KLHL21: variants seen among roughly 807,000 people sequenced by gnomAD.
KLHL21 encodes kelch-like protein 21.
In KLHL21, 42 loss-of-function variants were observed where a neutral mutation model predicts 44.1. The observed-to-expected ratio is 0.95, with a 90% CI of 0.74 to 1.23. The LOEUF is 1.23. KLHL21 is among the 50% of genes most tolerant of loss of function. KLHL21 has a pLI of 0.00. For synonymous variants in KLHL21, 524 were observed against 411.6 expected, an observed-to-expected ratio of 1.27 and a Z score of -3.31; for missense variants, 918 against 889.1, an observed-to-expected ratio of 1.03 and a Z score of -0.41.
chr1:6,602,223 A>G lies in KLHL21; in HGVS notation c.595T>C (p.Tyr199His), dbSNP rs1641035550. 1 of 1,522,044 alleles carries G rather than the reference A, an allele frequency of 6.6e-7. No individual in the cohort carries two copies. The highest frequency in any genetic ancestry group is 1.4e-5 in the African/African-American group (1 of 70,510). 94.3% of individuals were successfully genotyped at this position (1,522,044 alleles called of 1,614,324 possible). A position where few individuals can be genotyped will look rare whatever the true frequency, so the allele number is the denominator to read the frequency against. ...CGGACCCAGCGCAGCGCCAGCTGGT[A>G]GGCGGCCTCCTCCTTGGGCACACAC... ...GLCVPKEEAA[Y>H]QLALRWVRAD... is the part of the protein sequence containing the mutation. The change falls in exon 1 of 4, where the codon TAC becomes CAC. Residue 199 changes from tyrosine to histidine, a missense_variant. Physicochemically the swap from Tyr to His is moderately conservative, Grantham distance 83. Transcript: ENST00000377658.
Position 6,601,893 on chromosome 1 carries a change from G to T in KLHL21, c.925C>A (p.Pro309Thr). The T allele has an allele frequency of 6.4e-7, 1 of 1,568,314 alleles. No homozygotes were observed. Among genetic ancestry groups the T allele is most frequent in the Admixed American group, 1.9e-5 (1 of 53,426 alleles). ...AGGTAGCGCCACTGACCCGTCTGCG[G>T]GTTGTAGCAGTCGACAGTGACCAGC... ...DELVTVDCYNPQTGQWRYLAE... is the reference protein window; with the variant it reads ...DELVTVDCYNTQTGQWRYLAE... Residue 309 changes from proline to threonine, a missense_variant, in exon 1 of 4, where the codon CCG (proline) becomes ACG (threonine). Transcript: ENST00000377658.
At position 6,602,185 on chromosome 1, in the gene KLHL21, CGGCGG is replaced by C; in HGVS notation, c.628_632del (p.Pro210AlafsTer88). ...GCTGCGGCCAGTGCGCGGCGCGGCG[CGGCGG>C]GTCAGCGCGGACCCAGCGCAGCGCC... On this transcript the variant is annotated frameshift_variant, in exon 1 of 4. Coordinates refer to ENST00000377658, the MANE Select transcript of KLHL21 (RefSeq NM_014851.4). LOFTEE classifies it high-confidence loss of function. The C allele has an allele frequency of 6.9e-7, 1 of 1,442,970 alleles. No individual in the cohort carries two copies. Among genetic ancestry groups the C allele is most frequent in the African/African-American group, 1.5e-5 (1 of 66,890 alleles). 89.4% of individuals were successfully genotyped at this position (1,442,970 alleles called of 1,614,324 possible).
Position 6,593,094 on chromosome 1 carries a change from G to A in KLHL21, c.*271C>T, listed in dbSNP as rs1202319980. ...GCGCCGCGTGGGTGAGCTGTGATCC[G>A]CGGGGTGGGGGTGACCTCCAAGACC... On this transcript the variant is annotated 3_prime_UTR_variant, in exon 4 of 4. Coordinates refer to ENST00000377658, the MANE Select transcript of KLHL21 (RefSeq NM_014851.4). 19 of 473,194 alleles carry A rather than the reference G, an allele frequency of 4.0e-5. No individual in the cohort carries two copies. Among genetic ancestry groups the A allele is most frequent in the Admixed American group, 3.4e-5 (1 of 29,144 alleles). 29.3% of individuals were successfully genotyped at this position (473,194 alleles called of 1,614,324 possible).
chr1:6,597,904 T>A (rs35070405), intron 2 of KLHL21, among the ~76,000 whole-genome samples: 1 of 152,066 alleles, frequency 6.6e-6, no homozygotes, highest in Non-Finnish European at 1.5e-5. Context: ...GGCTGCCCCG[T>A]GCCATCATTG....
In KLHL21 at chr1:6,599,471, G is replaced by A. The variant is rs1328523432; in HGVS notation, c.1022-19C>T. The A allele has an allele frequency of 1.3e-6, 2 of 1,585,438 alleles. No individual in the cohort carries two copies. Among genetic ancestry groups the A allele is most frequent in the South Asian group, 1.1e-5 (1 of 88,144 alleles). ...GACCCACCTGCCAGGACGCATGACAGGCAGAAGATCAGCCCACTCAGGTGA... is the reference window on the plus strand; with the variant it reads ...GACCCACCTGCCAGGACGCATGACAAGCAGAAGATCAGCCCACTCAGGTGA... On this transcript the variant is annotated intron_variant, in intron 1 of 3. Transcript: ENST00000377658.
intron 1 of KLHL21, among the ~76,000 whole-genome samples, chr1:6,601,169 C>T (rs1211191944): frequency 1.3e-5 from 2 of 152,206 alleles, no homozygotes; most frequent in Non-Finnish European, 2.9e-5. Flanking sequence ...CAAACTCAGG[C>T]GGACTGGGAC....
intron 1 of KLHL21, 55 bp from the exon 2 acceptor site, chr1:6,599,507 T>A: frequency 6.5e-7 from 1 of 1,532,290 alleles, no homozygotes; most frequent in Non-Finnish European, 8.8e-7. Context: ...GTCACCCACC[T>A]GCACCCTCCC....
At chr1:6,601,680 T>C (rs1445998758) in intron 1 of KLHL21, 117 bp downstream of exon 1, 61 of 1,412,268 alleles carry the variant, frequency 4.3e-5, no homozygotes, top group Non-Finnish European at 5.3e-5. Flanking sequence ...AGCCCCAGCT[T>C]GGACTCAGGT....
At chr1:6,600,711 G>A (rs1477762082) in intron 1 of KLHL21, among the ~76,000 whole-genome samples, 2 of 152,260 alleles carry the variant, frequency 1.3e-5, no homozygotes, top group African/African-American at 4.8e-5. Flanking sequence ...TGGGGCCAGT[G>A]TGGCCAGTTC....
chr1:6,598,845 A>T lies in KLHL21; in HGVS notation c.1427+202T>A, dbSNP rs183901. The stretch of plus-strand genomic sequence containing the variant: ...TTGCAGTGAGCTGAGATTGCGCCAC[A>T]GCACTCCAGCCTGGGCGACAGAGCG... On this transcript the variant is annotated intron_variant, in intron 2 of 3. Transcript: ENST00000377658. Among the ~76,000 whole-genome samples, 27 of 152,314 alleles carry T rather than the reference A, an allele frequency of 1.8e-4. No homozygotes were observed. In the South Asian group the frequency reaches 3.9e-3, roughly 22 times the overall value.
At position 6,602,621 on chromosome 1, in the gene KLHL21, G is replaced by A. The variant is rs574346996; in HGVS notation, c.197C>T (p.Ala66Val). 19 of 1,519,898 alleles carry A rather than the reference G, an allele frequency of 1.3e-5. No homozygotes were observed. The highest frequency in any genetic ancestry group is 1.8e-4 in the Middle Eastern group (1 of 5,676). The allele number at this position is 1,519,898 out of a possible 1,614,324, so 94.2% of individuals were successfully genotyped here. ...AASPYFRAMF[A>V]GQLRESRAER... Reference sequence around the variant, plus strand: ...GGCGCGGCTCTCGCGCAGCTGCCCCGCGAACATGGCGCGGAAGTAGGGGCT... The same window carrying A: ...GGCGCGGCTCTCGCGCAGCTGCCCCACGAACATGGCGCGGAAGTAGGGGCT... Residue 66 changes from alanine to valine, a missense_variant, in exon 1 of 4, where the codon GCG becomes GTG. Ala to Val is a moderately conservative substitution (Grantham distance 64). Transcript: ENST00000377658.
At chr1:6,598,344 T>A (rs960288884) in intron 2 of KLHL21, among the ~76,000 whole-genome samples, 5 of 151,174 alleles carry the variant, frequency 3.3e-5, no homozygotes, top group African/African-American at 1.2e-4. Flanking sequence ...CTGAGGCAGC[T>A]GGATCACATG....
At chr1:6,593,953 T>C (rs927485374) in intron 3 of KLHL21, 3 of 1,200,112 alleles carry the variant, frequency 2.5e-6, no homozygotes, top group African/African-American at 3.1e-5. Flanking sequence ...TCAGAATCTC[T>C]GCAGTGGCCC....
intron 1 of KLHL21, chr1:6,599,730 C>T (rs1297343113): frequency 8.5e-6 from 4 of 471,648 alleles, no homozygotes; most frequent in East Asian, 7.5e-5. Flanking sequence ...CTCTGGACAC[C>T]GCCCCCCAGC....
intron 3 of KLHL21, chr1:6,595,143 T>C: frequency 1.8e-6 from 1 of 543,460 alleles, no homozygotes. Flanking sequence ...CACGCCAGGG[T>C]GCCCTGCTGC....
chr1:6,591,481 TCA>T lies in KLHL21; in HGVS notation c.*1882_*1883del, dbSNP rs536939227. 3.6e-3 allele frequency: 549 copies of T among 154,120 alleles called. 3 individuals carry two copies. Among genetic ancestry groups the T allele is most frequent in the Middle Eastern group, 0.01 (3 of 298 alleles). The allele number at this position is 154,120 out of a possible 1,614,324, so 9.5% of individuals were successfully genotyped here. A position where few individuals can be genotyped will look rare whatever the true frequency, so the allele number is the denominator to read the frequency against. Reference sequence around the variant, plus strand: ...CCGAGATGCCCTGTGCTGGCAGTCATCACAGTCTGGACAGCATGTCCTTCCGT... The same window carrying T: ...CCGAGATGCCCTGTGCTGGCAGTCATCAGTCTGGACAGCATGTCCTTCCGT... On this transcript the variant is annotated 3_prime_UTR_variant, in exon 4 of 4. Transcript: ENST00000377658.
chr1:6,601,959 T>C lies in KLHL21; in HGVS notation c.859A>G (p.Ile287Val). The C allele has an allele frequency of 2.6e-6, 4 of 1,558,738 alleles. No individual in the cohort carries two copies. The highest frequency in any genetic ancestry group is 1.2e-5 in the South Asian group (1 of 84,770). Residue 287 changes from isoleucine to valine, a missense_variant, in exon 1 of 4, where the codon ATC becomes GTC. Physicochemically the swap from Ile to Val is conservative, Grantham distance 29. Coordinates refer to ENST00000377658, the MANE Select transcript of KLHL21 (RefSeq NM_014851.4). ...RPRPSTGLAE[I>V]LVLVGGCDQD... ...TCGCAGCCGCCCACGAGCACGAGGA[T>C]CTCGGCGAGACCGGTGGACGGGCGA...
chr1:6,602,371 G>C lies in KLHL21; in HGVS notation c.447C>G (p.Ser149Arg), dbSNP rs372833088. Residue 149 changes from serine to arginine, a missense_variant, in exon 1 of 4, where the codon AGC (serine) becomes AGG (arginine). Ser to Arg is a moderately radical substitution (Grantham distance 110). Coordinates refer to ENST00000377658, the MANE Select transcript of KLHL21 (RefSeq NM_014851.4). ...GCGCCGCGCTCGCCAGTCCCGAGCAGCTGAAGGCCTCAGCGAAGTCCTGCA... is the reference window on the plus strand; with the variant it reads ...GCGCCGCGCTCGCCAGTCCCGAGCACCTGAAGGCCTCAGCGAAGTCCTGCA... Reference protein sequence around the residue: ...LDMQDFAEAFSCSGLASAAQR... With the variant: ...LDMQDFAEAFRCSGLASAAQR... The C allele has an allele frequency of 6.3e-7, 1 of 1,584,856 alleles. No individual in the cohort carries two copies. The highest frequency in any genetic ancestry group is 1.7e-5 in the Admixed American group (1 of 57,660).
At position 6,602,288 on chromosome 1, in the gene KLHL21, G is replaced by A; in HGVS notation, c.530C>T (p.Pro177Leu). 1.9e-6 allele frequency: 3 copies of A among 1,556,650 alleles called. No homozygotes were observed. Among genetic ancestry groups the A allele is most frequent in the Non-Finnish European group, 2.6e-6 (3 of 1,158,718 alleles). The change falls in exon 1 of 4, where the codon CCA becomes CTA. Residue 177 changes from proline to leucine, a missense_variant. Physicochemically the swap from Pro to Leu is moderately conservative, Grantham distance 98. Coordinates refer to ENST00000377658, the MANE Select transcript of KLHL21 (RefSeq NM_014851.4). ...CAGGTAGCGCAGCAGGCGCGCCAGT[G>A]GCAGCCGCTCCAGCTGCTCGGCGCC... ...ELGAEQLERL[P>L]LARLLRYLRD...
Sources: gnomAD v4.1 joint callset for allele counts (sites outside exome capture counted in the v4.1 genomes callset) on GRCh38, gnomAD v4.1.1 for gene constraint, MANE v1.5 for transcripts, NCBI Gene and HGNC (gene_info 2026-07-23, HGNC 2026-07-21) for gene names.